The following ARHGEF11 variants were observed in gnomAD, a reference collection of about 807,000 sequenced individuals.
The protein encoded by ARHGEF11 is Rho guanine exchange factor (GEF) 11.
Under a neutral mutation model 193.7 loss-of-function variants are expected in ARHGEF11, and 55 were observed. The observed-to-expected ratio is 0.28, with a 90% CI of 0.23 to 0.36. The LOEUF is 0.36. ARHGEF11 is among the 10% of genes least tolerant of loss of function. The pLI is 1.00. For missense variants in ARHGEF11, 1,723 were observed against 2,005.6 expected, an observed-to-expected ratio of 0.86 and a Z score of 2.69; for synonymous variants, 693 against 768.0, an observed-to-expected ratio of 0.90 and a Z score of 1.62.
intron 3 of ARHGEF11, among the ~76,000 whole-genome samples, chr1:156,983,554 T>G (rs1465500798): frequency 6.6e-6 from 1 of 152,222 alleles, no homozygotes; most frequent in African/African-American, 2.4e-5. Context: ...TTCCTCAGCC[T>G]GGACCACCAA....
chr1:157,003,213 A>T (rs747890439), intron 1 of ARHGEF11, among the ~76,000 whole-genome samples: 1 of 152,358 alleles, frequency 6.6e-6, no homozygotes, highest in Middle Eastern at 3.4e-3. Context: ...TCATGCATCC[A>T]GCAAGTGAGA....
In ARHGEF11 at chr1:156,938,506, C is replaced by T. The variant is rs373021079; in HGVS notation, c.4104G>A (p.Val1368=). The change falls in exon 38 of 41, where the codon GTG becomes GTA. Residue 1368 remains valine, a synonymous_variant. Coordinates refer to ENST00000368194, the MANE Select transcript of ARHGEF11 (RefSeq NM_198236.3). ...GGYKVVRKAE[V]AGSKVVPALP... Reference sequence around the variant, plus strand: ...GTGCAGGGACAACCTTGCTGCCTGCCACCTCAGCTGCACCGACACCACCAC... The same window carrying T: ...GTGCAGGGACAACCTTGCTGCCTGCTACCTCAGCTGCACCGACACCACCAC... 24 of 1,613,010 alleles carry T rather than the reference C, an allele frequency of 1.5e-5. 1 individual carries two copies. Among genetic ancestry groups the T allele is most frequent in the Non-Finnish European group, 1.9e-5 (22 of 1,179,488 alleles).
chr1:156,953,162 C>T (rs1659373421), intron 21 of ARHGEF11, among the ~76,000 whole-genome samples: 2 of 152,178 alleles, frequency 1.3e-5, no homozygotes, highest in African/African-American at 2.4e-5. Flanking sequence ...AGCAAAGTGG[C>T]GAGGCACACA....
chr1:156,971,694 C>T lies in ARHGEF11; in HGVS notation c.702+3G>A, dbSNP rs776360097. The stretch of plus-strand genomic sequence containing the variant: ...TTACTAGAGCTGTGCCTACATCACT[C>T]ACCACTGAGCCACCAGTCTCCTGCT... On this transcript the variant is annotated splice_donor_region_variant and intron_variant, in intron 8 of 40. Coordinates refer to ENST00000368194, the MANE Select transcript of ARHGEF11 (RefSeq NM_198236.3). The T allele has an allele frequency of 5.0e-5, 80 of 1,613,442 alleles. No individual in the cohort carries two copies. Among genetic ancestry groups the T allele is most frequent in the Non-Finnish European group, 6.7e-5 (79 of 1,179,698 alleles).
intron 1 of ARHGEF11, among the ~76,000 whole-genome samples, chr1:157,025,984 G>A (rs1426677946): frequency 6.6e-6 from 1 of 152,144 alleles, no homozygotes; most frequent in Non-Finnish European, 1.5e-5. Context: ...TGTATTAAGT[G>A]GATTCTTATC....
chr1:156,956,170 G>A (rs1012154080), intron 19 of ARHGEF11, among the ~76,000 whole-genome samples: 8 of 152,042 alleles, frequency 5.3e-5, no homozygotes, highest in Non-Finnish European at 2.9e-5. Flanking sequence ...AGGCTGGAGT[G>A]CAGTGGTATG....
intron 14 of ARHGEF11, 63 bp from the exon 15 acceptor site, chr1:156,960,523 G>A (rs777558868): frequency 8.1e-5 from 125 of 1,538,372 alleles, no homozygotes; most frequent in Non-Finnish European, 1.1e-4. Flanking sequence ...GATGAGCAGT[G>A]TGCAAGGCGA....
At position 156,946,994 on chromosome 1, in the gene ARHGEF11, T is replaced by C. The variant is rs1557836408; in HGVS notation, c.2510A>G (p.Lys837Arg). ...GATGGGGCCTTCCTCCCGGAGCTTC[T>C]TCATGGCTTCACACCAGGAATCTGG... ...EIHNSWCEAMKKLREEGPIIK... is the reference protein window; with the variant it reads ...EIHNSWCEAMRKLREEGPIIK... Residue 837 changes from lysine (K) to arginine (R), a missense_variant, in exon 27 of 41, where the codon AAG (lysine) becomes AGG (arginine). Transcript: ENST00000368194. 1.9e-6 allele frequency: 3 copies of C among 1,614,060 alleles called. No homozygotes were observed. In the South Asian group the frequency reaches 3.3e-5, roughly 18 times the overall value.
intron 15 of ARHGEF11, among the ~76,000 whole-genome samples, chr1:156,959,905 A>T (rs971931476): frequency 6.8e-6 from 1 of 147,390 alleles, no homozygotes; most frequent in Non-Finnish European, 1.5e-5. Context: ...TAGTTAGGGA[A>T]CTTATAAAAA....
chr1:156,942,872 C>G, intron 32 of ARHGEF11, 92 bp from the exon 33 acceptor site: 1 of 1,057,896 alleles, frequency 9.5e-7, no homozygotes, highest in South Asian at 1.3e-5. Context: ...GACTCAAAGC[C>G]CTGACCCTCA....
intron 1 of ARHGEF11, among the ~76,000 whole-genome samples, chr1:157,019,184 A>G (rs547523918): frequency 3.9e-5 from 6 of 152,358 alleles, no homozygotes; most frequent in African/African-American, 1.4e-4. Context: ...AAAGCATTTT[A>G]CTGTATGCAA....
Position 156,993,803 on chromosome 1 carries a change from G to A in ARHGEF11, c.33-7630C>T, listed in dbSNP as rs1045987394. 1.2e-4 allele frequency among the ~76,000 whole-genome samples: 18 copies of A among 152,282 alleles called. No homozygotes were observed. In the South Asian group the frequency reaches 1.5e-3, roughly 12 times the overall value. On this transcript the variant is annotated intron_variant, in intron 1 of 40. Coordinates refer to ENST00000368194, the MANE Select transcript of ARHGEF11 (RefSeq NM_198236.3). Reference sequence around the variant, plus strand: ...TACAGTAAGGGCTATGAGGAAAGACGGCTGTTTGCAGACAACCGCTGCTGA... The same window carrying A: ...TACAGTAAGGGCTATGAGGAAAGACAGCTGTTTGCAGACAACCGCTGCTGA...
At chr1:156,974,700 G>T (rs1171789721) in intron 7 of ARHGEF11, among the ~76,000 whole-genome samples, 1 of 152,114 alleles carries the variant, frequency 6.6e-6, no homozygotes, top group African/African-American at 2.4e-5. Flanking sequence ...GGCAACCACT[G>T]ATCTACTTTC....
chr1:157,030,000 A>G (rs1671104360), intron 1 of ARHGEF11, among the ~76,000 whole-genome samples: 1 of 151,762 alleles, frequency 6.6e-6, no homozygotes, highest in Non-Finnish European at 1.5e-5. Context: ...GAAGGGGGCA[A>G]TGGGGAGTGA....
In ARHGEF11 at chr1:156,969,295, G is replaced by A. The variant is rs747614252; in HGVS notation, c.812C>T (p.Pro271Leu). Residue 271 changes from proline (P) to leucine (L), a missense_variant, in exon 10 of 41, where the codon CCT becomes CTT. This residue lies in a region of ARHGEF11 where 646 missense variants were observed against 710.7 expected (regional missense o/e 0.91). Transcript: ENST00000368194. ...SGLDSGTERF[P>L]SLSESLMNRN... ...GCTGGGACTCACCTCACTGAGGGAA[G>A]GAAAGCGTTCTGTCCCAGAGTCCAA... 6.2e-7 allele frequency: 1 copy of A among 1,604,122 alleles called. No homozygotes were observed. Among genetic ancestry groups the A allele is most frequent in the East Asian group, 2.2e-5 (1 of 44,680 alleles).
chr1:156,953,395 A>C (rs1476722500), intron 21 of ARHGEF11, among the ~76,000 whole-genome samples: 1 of 152,136 alleles, frequency 6.6e-6, no homozygotes, highest in Non-Finnish European at 1.5e-5. Flanking sequence ...CTATGACTAG[A>C]CCACTGCACT....
chr1:156,945,244 T>A, intron 29 of ARHGEF11, 47 bp from the exon 30 acceptor site: 1 of 1,582,192 alleles, frequency 6.3e-7, no homozygotes, highest in South Asian at 1.1e-5. Context: ...GCCTGAGAAG[T>A]CCAACATGGC....
At chr1:156,986,932 C>G (rs918683685) in intron 1 of ARHGEF11, among the ~76,000 whole-genome samples, 1 of 152,172 alleles carries the variant, frequency 6.6e-6, no homozygotes, top group Non-Finnish European at 1.5e-5. Flanking sequence ...GTATTCCAAC[C>G]CCATATTCAG....
At chr1:156,972,505 CAA>C (rs1365222618) in intron 7 of ARHGEF11, among the ~76,000 whole-genome samples, 2 of 152,166 alleles carry the variant, frequency 1.3e-5, no homozygotes, top group East Asian at 3.8e-4. Context: ...ATGTCTAGCG[CAA>C]AGTCAGATAC....
Sources: allele counts gnomAD v4.1 joint callset (sites outside exome capture counted in the v4.1 genomes callset), GRCh38; gene constraint gnomAD v4.1.1; regional missense constraint gnomAD v4.1.1; transcripts MANE v1.5; gene names NCBI Gene and HGNC (gene_info 2026-07-23, HGNC 2026-07-21).